RBFOX3: variants seen among roughly 807,000 people sequenced by gnomAD.
RBFOX3 encodes the protein RNA binding fox-1 homolog 3.
In RBFOX3, 17 loss-of-function variants were observed where a neutral mutation model predicts 48.7. The observed-to-expected ratio is 0.35, with a 90% CI of 0.24 to 0.52. The LOEUF (loss-of-function observed/expected upper bound fraction) is 0.52, where lower values mean the gene tolerates loss of function less well. Ranked by LOEUF, RBFOX3 falls within the 20% of genes least tolerant of loss-of-function variation. The pLI is 0.94. For synonymous variants in RBFOX3, 212 were observed against 209.5 expected, an observed-to-expected ratio of 1.01 and a Z score of -0.10; for missense variants, 382 against 497.5, an observed-to-expected ratio of 0.77 and a Z score of 2.21.
intron 2 of RBFOX3, among the ~76,000 whole-genome samples, chr17:79,316,156 G>A (rs1224725974): frequency 6.6e-6 from 1 of 151,516 alleles, no homozygotes; most frequent in Non-Finnish European, 1.5e-5. Context: ...GCGCGGAAGA[G>A]GAGAAGGGGT....
At chr17:79,153,442 G>A (rs1034759453) in intron 4 of RBFOX3, among the ~76,000 whole-genome samples, 2 of 152,220 alleles carry the variant, frequency 1.3e-5, no homozygotes, top group Non-Finnish European at 2.9e-5. Flanking sequence ...GATAACAGGT[G>A]TGAGCCCAGC....
At chr17:79,416,248 C>T (rs1277473133) in intron 2 of RBFOX3, among the ~76,000 whole-genome samples, 1 of 152,216 alleles carries the variant, frequency 6.6e-6, no homozygotes, top group Non-Finnish European at 1.5e-5. Flanking sequence ...AACCCTCGGT[C>T]AAGGAGTGGA....
At chr17:79,266,833 G>A (rs1007745599) in intron 3 of RBFOX3, among the ~76,000 whole-genome samples, 1 of 152,172 alleles carries the variant, frequency 6.6e-6, no homozygotes, top group Non-Finnish European at 1.5e-5. Context: ...CCTGCTTGGC[G>A]AACACGTGGG....
At chr17:79,182,103 C>G (rs1327962342) in intron 4 of RBFOX3, among the ~76,000 whole-genome samples, 2 of 152,114 alleles carry the variant, frequency 1.3e-5, no homozygotes, top group Non-Finnish European at 2.9e-5. Flanking sequence ...GGCCAAGTTC[C>G]TTGGGGTGGG....
At chr17:79,100,710 T>C (rs1250601184) in intron 9 of RBFOX3, among the ~76,000 whole-genome samples, 1 of 152,196 alleles carries the variant, frequency 6.6e-6, no homozygotes. Context: ...AGCTGCTCCC[T>C]GGCAGGAATG....
chr17:79,229,775 C>G (rs562824704), intron 4 of RBFOX3, among the ~76,000 whole-genome samples: 1 of 152,264 alleles, frequency 6.6e-6, no homozygotes, highest in South Asian at 2.1e-4. Flanking sequence ...GTAGCCTGAA[C>G]AACCAGGACT....
chr17:79,398,300 AG>A (rs1568179721), intron 2 of RBFOX3, among the ~76,000 whole-genome samples: 1 of 152,138 alleles, frequency 6.6e-6, no homozygotes. Flanking sequence ...GGCCTAGACG[AG>A]GCTTCATTGC....
chr17:79,585,366 G>T (rs1424742411), intron 1 of RBFOX3, among the ~76,000 whole-genome samples: 4 of 151,958 alleles, frequency 2.6e-5, no homozygotes, highest in Non-Finnish European at 5.9e-5. Context: ...GACCAGCCTG[G>T]CCAACATGGT....
rs1233711031 is a variant in RBFOX3 at position 79,311,458 on chromosome 17, ACTGCAGCACCAATTC to A, written c.-174-3649_-174-3635del. ...CCAAAAAAAAAAAAAAAAAAAACAGACTGCAGCACCAATTCCTGCCTGAGGTTCCAGCCTGTCCAC... is the reference window on the plus strand; with the variant it reads ...CCAAAAAAAAAAAAAAAAAAAACAGACTGCCTGAGGTTCCAGCCTGTCCAC... On this transcript the variant is annotated intron_variant, in intron 2 of 14. Coordinates refer to ENST00000693108, the MANE Select transcript of RBFOX3 (RefSeq NM_001350451.2). This position sits in a 1 kb window ranked among gnomAD's most constrained non-coding sequence, Gnocchi z 4.2. Among the ~76,000 whole-genome samples, 1 of 146,246 alleles carries A rather than the reference ACTGCAGCACCAATTC, an allele frequency of 6.8e-6. No individual in the cohort carries two copies. The highest frequency in any genetic ancestry group is 1.5e-5 in the Non-Finnish European group (1 of 66,720).
At chr17:79,098,857 C>A (rs1354786670) in intron 9 of RBFOX3, 1 of 152,406 alleles carries the variant, frequency 6.6e-6, no homozygotes, top group Non-Finnish European at 1.5e-5. Flanking sequence ...CGAGAGCCCA[C>A]TGGCCAGCTG....
intron 4 of RBFOX3, among the ~76,000 whole-genome samples, chr17:79,215,429 C>T (rs950066352): frequency 2.0e-5 from 3 of 152,222 alleles, no homozygotes; most frequent in Admixed American, 6.5e-5. Context: ...ATGCCAAGGA[C>T]GTAGCACTGT....
chr17:79,127,358 T>C (rs2037566469), intron 4 of RBFOX3, among the ~76,000 whole-genome samples: 1 of 151,864 alleles, frequency 6.6e-6, no homozygotes, highest in South Asian at 2.1e-4. Context: ...ACAGGAACGA[T>C]GAGAGGGAGA....
chr17:79,210,850 G>A (rs1027698240), intron 4 of RBFOX3, among the ~76,000 whole-genome samples: 3 of 151,320 alleles, frequency 2.0e-5, no homozygotes, highest in African/African-American at 7.3e-5. Flanking sequence ...CTTCTCCAGC[G>A]TCCGGTGATC....
intron 2 of RBFOX3, among the ~76,000 whole-genome samples, chr17:79,448,335 T>G (rs1482783468): frequency 8.5e-5 from 13 of 152,190 alleles, no homozygotes; most frequent in African/African-American, 3.1e-4. Flanking sequence ...GACCTCAAGC[T>G]GTGACCTTAT....
intron 3 of RBFOX3, among the ~76,000 whole-genome samples, chr17:79,244,054 C>T (rs2062778606): frequency 1.3e-5 from 2 of 152,196 alleles, no homozygotes; most frequent in Non-Finnish European, 2.9e-5. Flanking sequence ...GGAGATACCA[C>T]CGCACAGGGC....
At chr17:79,200,121 T>C (rs1013494233) in intron 4 of RBFOX3, among the ~76,000 whole-genome samples, 25 of 137,298 alleles carry the variant, frequency 1.8e-4, no homozygotes, top group African/African-American at 6.5e-4. Context: ...CGATATTGCG[T>C]CACTGTACTT....
At chr17:79,350,635 G>T (rs2083741940) in intron 2 of RBFOX3, among the ~76,000 whole-genome samples, 1 of 152,198 alleles carries the variant, frequency 6.6e-6, no homozygotes, top group Non-Finnish European at 1.5e-5. Context: ...GCCCCACCAT[G>T]CCTCTGTCCC....
At chr17:79,113,408 T>G (rs538937179) in intron 5 of RBFOX3, among the ~76,000 whole-genome samples, 3 of 152,170 alleles carry the variant, frequency 2.0e-5, no homozygotes, top group African/African-American at 7.2e-5. Flanking sequence ...CTGCCCTGGG[T>G]GCAGGTCATG....
chr17:79,137,981 CAT>C (rs2143877273), intron 4 of RBFOX3, among the ~76,000 whole-genome samples: 1 of 152,344 alleles, frequency 6.6e-6, no homozygotes, highest in African/African-American at 2.4e-5. Context: ...GCCATGTGCA[CAT>C]GTGTGCTTGC....
Sources: gnomAD v4.1 joint callset for allele counts (sites outside exome capture counted in the v4.1 genomes callset) on GRCh38, gnomAD v4.1.1 for gene constraint, Gnocchi (gnomAD v3.1) non-coding constraint, MANE v1.5 for transcripts, NCBI Gene and HGNC (gene_info 2026-07-23, HGNC 2026-07-21) for gene names.